Variants in TUBGCP4 observed in about 807,000 individuals in gnomAD.
TUBGCP4 encodes gamma-tubulin complex component 4.
Under a neutral mutation model 91.6 loss-of-function variants are expected in TUBGCP4, and 54 were observed. The ratio of observed to expected loss-of-function variants is 0.59; its 90% CI spans 0.47 to 0.74. The LOEUF is 0.74. Ranked by LOEUF, TUBGCP4 falls within the 30% of genes least tolerant of loss-of-function variation. The probability of loss-of-function intolerance (pLI) is 0.00; values close to 1 mark genes in which losing one functional copy is unlikely to be tolerated. For missense variants in TUBGCP4, 593 were observed against 800.9 expected, an observed-to-expected ratio of 0.74 and a Z score of 3.13; for synonymous variants, 297 against 302.8, an observed-to-expected ratio of 0.98 and a Z score of 0.20.
intron 9 of TUBGCP4, among the ~76,000 whole-genome samples, chr15:43,393,521 G>A (rs1278185891): frequency 6.6e-6 from 1 of 151,728 alleles, no homozygotes; most frequent in Admixed American, 6.6e-5. Context: ...ATGTATACAT[G>A]TGCCATGTTG....
chr15:43,390,350 C>T (rs1222860284), intron 9 of TUBGCP4, among the ~76,000 whole-genome samples: 2 of 151,836 alleles, frequency 1.3e-5, no homozygotes, highest in Non-Finnish European at 2.9e-5. Context: ...ACAGGTATTT[C>T]TTGTATTAAT....
chr15:43,397,935 C>T, intron 12 of TUBGCP4, 106 bp from the exon 13 acceptor site: 1 of 1,191,072 alleles, frequency 8.4e-7, no homozygotes, highest in South Asian at 1.6e-5. Context: ...TGGTCTTGAA[C>T]TCCTGTGAGC....
Position 43,397,245 on chromosome 15 carries a change from C to T in TUBGCP4, c.1203C>T (p.His401=). 13 of 1,614,150 alleles carry T rather than the reference C, an allele frequency of 8.1e-6. No homozygotes were observed. Among genetic ancestry groups the T allele is most frequent in the Non-Finnish European group, 1.1e-5 (13 of 1,179,996 alleles). The change falls in exon 12 of 18, where the codon CAC becomes CAT. Residue 401 remains histidine, a synonymous_variant. Transcript: ENST00000564079. The stretch of plus-strand genomic sequence containing the variant: ...ATGTGGCCTTTCAACAGTCAGCACA[C>T]AAGGTATTGCTAGATGATGACAACC... ...DVNVAFQQSA[H]KVLLDDDNLL...
intron 4 of TUBGCP4, chr15:43,377,611 CAA>C (rs60932318): frequency 0.053 from 13,470 of 252,512 alleles, no homozygotes; most frequent in Middle Eastern, 0.084. Context: ...GACCCTGTCT[CAA>C]AAAAAAAAAA....
intron 14 of TUBGCP4, 40 bp downstream of exon 14, chr15:43,400,261 A>G (rs768321900): frequency 2.1e-5 from 33 of 1,584,592 alleles, no homozygotes; most frequent in Non-Finnish European, 2.6e-5. Context: ...GGGTACGGAA[A>G]AACGTCTAGG....
At chr15:43,385,402 G>A (rs1416140598) in intron 7 of TUBGCP4, 1 of 459,318 alleles carries the variant, frequency 2.2e-6, no homozygotes, top group Non-Finnish European at 4.4e-6. Context: ...AGGAAGTGTA[G>A]GCTGAGAGGA....
In TUBGCP4 at chr15:43,377,687, C is replaced by G; in HGVS notation, c.385-160C>G. On this transcript the variant is annotated intron_variant, in intron 4 of 17. Coordinates refer to ENST00000564079, the MANE Select transcript of TUBGCP4 (RefSeq NM_014444.5). Reference sequence around the variant, plus strand: ...CCATCCTCTTCCTATCTGCAGCGAACCTCCACATCAAATTGCCTTAGGATG... The same window carrying G: ...CCATCCTCTTCCTATCTGCAGCGAAGCTCCACATCAAATTGCCTTAGGATG... 6.8e-6 allele frequency: 4 copies of G among 588,088 alleles called. No individual in the cohort carries two copies. In the South Asian group the frequency reaches 8.8e-5, roughly 13 times the overall value. The allele number at this position is 588,088 out of a possible 1,614,324, so 36.4% of individuals were successfully genotyped here.
chr15:43,404,886 C>A, intron 17 of TUBGCP4: 1 of 489,120 alleles, frequency 2.0e-6, no homozygotes, highest in South Asian at 2.8e-5. Flanking sequence ...CTTGCTGGTC[C>A]CTAGCTTCCG....
At chr15:43,401,208 T>C (rs1226225356) in intron 14 of TUBGCP4, among the ~76,000 whole-genome samples, 2 of 151,630 alleles carry the variant, frequency 1.3e-5, no homozygotes, top group Non-Finnish European at 2.9e-5. Context: ...CCCAGCACTT[T>C]GGGAGGCTGA....
intron 9 of TUBGCP4, among the ~76,000 whole-genome samples, chr15:43,388,273 A>C (rs936439571): frequency 6.6e-6 from 1 of 152,202 alleles, no homozygotes; most frequent in Non-Finnish European, 1.5e-5. Flanking sequence ...AAGAGCATCA[A>C]ATCTCCATGG....
rs145249471 is a variant in TUBGCP4, at chr15:43,407,536, C to G, written c.*2322C>G. On this transcript the variant is annotated 3_prime_UTR_variant, in exon 18 of 18. Coordinates refer to ENST00000564079, the MANE Select transcript of TUBGCP4 (RefSeq NM_014444.5). The stretch of plus-strand genomic sequence containing the variant: ...GCACCGAGGCTGGGCATGAGGGGTC[C>G]GTCACCACCACATCAAATACCCCTA... 1 of 1,613,940 alleles carries G rather than the reference C, an allele frequency of 6.2e-7. No homozygotes were observed. Among genetic ancestry groups the G allele is most frequent in the African/African-American group, 1.3e-5 (1 of 74,916 alleles).
chr15:43,405,415 C>T lies in TUBGCP4; in HGVS notation c.*201C>T. The T allele has an allele frequency of 1.6e-6, 1 of 611,482 alleles. No individual in the cohort carries two copies. Among genetic ancestry groups the T allele is most frequent in the South Asian group, 2.0e-5 (1 of 49,038 alleles). The allele number at this position is 611,482 out of a possible 1,614,324, so 37.9% of individuals were successfully genotyped here. A position where few individuals can be genotyped will look rare whatever the true frequency, so the allele number is the denominator to read the frequency against. ...TCCCATGTGGAAGGGTCTCTCCCATCAAGGAGAACATGTGGCATCTCTGAT... is the reference window on the plus strand; with the variant it reads ...TCCCATGTGGAAGGGTCTCTCCCATTAAGGAGAACATGTGGCATCTCTGAT... On this transcript the variant is annotated 3_prime_UTR_variant, in exon 18 of 18. Coordinates refer to ENST00000564079, the MANE Select transcript of TUBGCP4 (RefSeq NM_014444.5).
chr15:43,378,040 G>T, intron 5 of TUBGCP4, 137 bp downstream of exon 5: 1 of 637,060 alleles, frequency 1.6e-6, no homozygotes, highest in Non-Finnish European at 2.6e-6. Context: ...ATATCTGCTT[G>T]GTTATCATGT....
At chr15:43,372,877 C>T (rs1365851127) in intron 1 of TUBGCP4, among the ~76,000 whole-genome samples, 1 of 152,138 alleles carries the variant, frequency 6.6e-6, no homozygotes, top group Non-Finnish European at 1.5e-5. Context: ...TGTTTTTAGC[C>T]TTTCTCCCGC....
chr15:43,400,891 C>T (rs931607501), intron 14 of TUBGCP4, among the ~76,000 whole-genome samples: 5 of 151,488 alleles, frequency 3.3e-5, no homozygotes, highest in African/African-American at 1.2e-4. Flanking sequence ...GCACTCCAGC[C>T]TGGGCAACAG....
chr15:43,395,231 G>C lies in TUBGCP4; in HGVS notation c.1065+74G>C, dbSNP rs376081186. Reference sequence around the variant, plus strand: ...ACTTGCATTCTCTGATGTTTCCTGAGAGCACTGGTTGCCTATACCCAGACT... The same window carrying C: ...ACTTGCATTCTCTGATGTTTCCTGACAGCACTGGTTGCCTATACCCAGACT... On this transcript the variant is annotated intron_variant, in intron 10 of 17. Transcript: ENST00000564079. The C allele has an allele frequency of 3.7e-4, 574 of 1,555,592 alleles. 2 individuals are homozygous for C. In the African/African-American group the frequency reaches 6.9e-3, roughly 19 times the overall value.
In TUBGCP4 at chr15:43,405,568, A is replaced by G. The variant is rs2044841363; in HGVS notation, c.*354A>G. 7 of 244,812 alleles carry G rather than the reference A, an allele frequency of 2.9e-5. No individual in the cohort carries two copies. Among genetic ancestry groups the G allele is most frequent in the Admixed American group, 2.0e-4 (4 of 19,644 alleles). 15.2% of individuals were successfully genotyped at this position (244,812 alleles called of 1,614,324 possible). Reference sequence around the variant, plus strand: ...GCGGTAAACAAACAATATAGAGCAGAAAGTTAAATATTTTATGGTTCATAT... The same window carrying G: ...GCGGTAAACAAACAATATAGAGCAGGAAGTTAAATATTTTATGGTTCATAT... On this transcript the variant is annotated 3_prime_UTR_variant, in exon 18 of 18. Coordinates refer to ENST00000564079, the MANE Select transcript of TUBGCP4 (RefSeq NM_014444.5).
chr15:43,371,719 T>C (rs955000715), intron 1 of TUBGCP4, among the ~76,000 whole-genome samples: 1 of 152,190 alleles, frequency 6.6e-6, no homozygotes, highest in African/African-American at 2.4e-5. Flanking sequence ...GGGAATGATA[T>C]AGAAGTGTGG....
chr15:43,399,992 A>T, intron 13 of TUBGCP4, 52 bp from the exon 14 acceptor site: 1 of 1,473,192 alleles, frequency 6.8e-7, no homozygotes, highest in Non-Finnish European at 9.3e-7. Context: ...CGTGTGGGGG[A>T]AGTGCAGGGG....
Sources: gnomAD v4.1 joint callset for allele counts (sites outside exome capture counted in the v4.1 genomes callset) on GRCh38, gnomAD v4.1.1 for gene constraint, MANE v1.5 for transcripts, NCBI Gene and HGNC (gene_info 2026-07-23, HGNC 2026-07-21) for gene names.